ANKRD36: variants seen among roughly 807,000 people sequenced by gnomAD.
ANKRD36 encodes ankyrin repeat domain-containing protein 36A.
In ANKRD36, 179 loss-of-function variants were observed where a neutral mutation model predicts 278.1. The observed-to-expected ratio is 0.64, with a 90% CI of 0.57 to 0.73. The LOEUF is 0.73. Among genes scored for constraint, ANKRD36 ranks in the 30% least tolerant of loss-of-function variants. The pLI, the probability that ANKRD36 is intolerant of heterozygous loss-of-function variation, is 0.00. For synonymous variants in ANKRD36, 320 were observed against 641.1 expected, an observed-to-expected ratio of 0.50 and a Z score of 7.57; for missense variants, 1,159 against 1,956.7, an observed-to-expected ratio of 0.59 and a Z score of 7.69.
chr2:97,154,339 G>A (rs2046906579), intron 14 of ANKRD36, among the ~76,000 whole-genome samples: 2 of 149,154 alleles, frequency 1.3e-5, no homozygotes, highest in South Asian at 4.2e-4. Context: ...TTTCAGTTTA[G>A]TCTTTAGGGT....
intron 52 of ANKRD36, among the ~76,000 whole-genome samples, chr2:97,206,437 C>T (rs550374174): frequency 1.3e-5 from 2 of 151,288 alleles, no homozygotes; most frequent in African/African-American, 4.8e-5. Flanking sequence ...CTTGTTTTCA[C>T]TAAGGGTGGA....
chr2:97,188,460 A>C (rs1388976057), intron 32 of ANKRD36, among the ~76,000 whole-genome samples: 1 of 151,762 alleles, frequency 6.6e-6, no homozygotes, highest in Non-Finnish European at 1.5e-5. Context: ...TCGGAAGGCT[A>C]AACTAGTGGA....
intron 1 of ANKRD36, among the ~76,000 whole-genome samples, chr2:97,116,724 G>C (rs2153401391): frequency 6.6e-6 from 1 of 152,162 alleles, no homozygotes; most frequent in Admixed American, 6.6e-5. Context: ...TACATATAAG[G>C]AAACAATTTT....
chr2:97,209,881 G>GC lies in ANKRD36; in HGVS notation c.3367+9_3367+10insC, dbSNP rs1390482558. The GC allele has an allele frequency of 1.3e-6, 2 of 1,570,008 alleles. No homozygotes were observed. Among genetic ancestry groups the GC allele is most frequent in the Non-Finnish European group, 1.7e-6 (2 of 1,161,260 alleles). ...AGAAAAATCTAGGACAGGTAATTTT[G>GC]AAAACAGATTTAATGTCATGTTCAG... On this transcript the variant is annotated intron_variant, in intron 56 of 75. Coordinates refer to ENST00000420699, the MANE Select transcript of ANKRD36 (RefSeq NM_001354587.1).
At chr2:97,210,745 T>A (rs553364402) in intron 56 of ANKRD36, among the ~76,000 whole-genome samples, 1 of 151,984 alleles carries the variant, frequency 6.6e-6, no homozygotes, top group East Asian at 2.0e-4. Flanking sequence ...CCTAAAATAG[T>A]CATTTTCAAT....
intron 8 of ANKRD36, among the ~76,000 whole-genome samples, 177 bp from the exon 9 acceptor site, chr2:97,144,341 T>C (rs1249559238): frequency 2.6e-5 from 4 of 152,246 alleles, no homozygotes; most frequent in Admixed American, 2.6e-4. Context: ...AAGACTATAC[T>C]TCTGTTTTCT....
At chr2:97,205,562 T>G (rs1267895139) in intron 50 of ANKRD36, among the ~76,000 whole-genome samples, 1 of 151,496 alleles carries the variant, frequency 6.6e-6, no homozygotes, top group Non-Finnish European at 1.5e-5. Context: ...TGATTTGTTG[T>G]GTGAAAGACA....
chr2:97,220,749 A>ATTTTTTTTTTTTTTTTTTTTTTTTTTT (rs1558889083), intron 66 of ANKRD36, among the ~76,000 whole-genome samples: 1 of 86,902 alleles, frequency 1.2e-5, no homozygotes, highest in African/African-American at 5.9e-5. Flanking sequence ...TTTTTTTTTA[A>ATTTTTTTTTTTTTTTTTTTTTTTTTTT]TTTTTAATTT....
At chr2:97,195,461 A>G (rs2059501948) in intron 40 of ANKRD36, among the ~76,000 whole-genome samples, 1 of 151,968 alleles carries the variant, frequency 6.6e-6, no homozygotes, top group African/African-American at 2.4e-5. Flanking sequence ...CTCACTTCAG[A>G]TGCATTTGGA....
rs1157029500 is a variant in ANKRD36, at chr2:97,215,593, G to A, written c.3673+96G>A. Reference sequence around the variant, plus strand: ...AGCGGGGGGTTCATTGAAGTTTTATGTTTGGATTCAGCATGCCTGAGATTC... The same window carrying A: ...AGCGGGGGGTTCATTGAAGTTTTATATTTGGATTCAGCATGCCTGAGATTC... On this transcript the variant is annotated intron_variant, in intron 62 of 75. Coordinates refer to ENST00000420699, the MANE Select transcript of ANKRD36 (RefSeq NM_001354587.1). The A allele has an allele frequency of 2.5e-6, 4 of 1,569,582 alleles. No homozygotes were observed. In the African/African-American group the frequency reaches 5.4e-5, roughly 21 times the overall value.
At chr2:97,221,663 A>G (rs1245668281) in intron 66 of ANKRD36, among the ~76,000 whole-genome samples, 1 of 150,522 alleles carries the variant, frequency 6.6e-6, no homozygotes, top group Non-Finnish European at 1.5e-5. Flanking sequence ...GGTTCATTGT[A>G]GATTCTGGAT....
At chr2:97,135,220 A>C (rs1446717824) in intron 6 of ANKRD36, among the ~76,000 whole-genome samples, 1 of 151,938 alleles carries the variant, frequency 6.6e-6, no homozygotes, top group Non-Finnish European at 1.5e-5. Context: ...GTTGTGTTTC[A>C]ACAAAATAAG....
rs1354393323 is a variant in ANKRD36 at position 97,176,308 on chromosome 2, C to T, written c.1634-3430C>T. On this transcript the variant is annotated intron_variant, in intron 22 of 75. Transcript: ENST00000420699. ...ACTTGCTTTATGAATCTGGGTGCTCCTGTATTGGGTGCATATATATTTAGG... is the reference window on the plus strand; with the variant it reads ...ACTTGCTTTATGAATCTGGGTGCTCTTGTATTGGGTGCATATATATTTAGG... Among the ~76,000 whole-genome samples, 677 of 148,706 alleles carry T rather than the reference C, an allele frequency of 4.6e-3. 5 individuals carry two copies. Among genetic ancestry groups the T allele is most frequent in the African/African-American group, 0.016 (642 of 41,070 alleles).
Position 97,181,448 on chromosome 2 carries a change from A to G in ANKRD36, c.1736-150A>G, listed in dbSNP as rs201699879. 48 of 903,570 alleles carry G rather than the reference A, an allele frequency of 5.3e-5. No homozygotes were observed. In the East Asian group the frequency reaches 1.1e-3, roughly 21 times the overall value. 56.0% of individuals were successfully genotyped at this position (903,570 alleles called of 1,614,324 possible). A position where few individuals can be genotyped will look rare whatever the true frequency, so the allele number is the denominator to read the frequency against. On this transcript the variant is annotated intron_variant, in intron 24 of 75. Transcript: ENST00000420699. ...CCTTTTTTTTCAGTGTATTTCTGTC[A>G]TGTTCCAGTCTCCAGACAAAAAGTA...
chr2:97,206,034 T>G, intron 51 of ANKRD36, 29 bp from the exon 52 acceptor site: 2 of 1,543,448 alleles, frequency 1.3e-6, no homozygotes, highest in Non-Finnish European at 1.7e-6. Flanking sequence ...ACTTTATTTA[T>G]TTATTATTTT....
Position 97,198,494 on chromosome 2 carries a change from A to G in ANKRD36, c.2682+3A>G, listed in dbSNP as rs1284389449. 1 of 1,578,180 alleles carries G rather than the reference A, an allele frequency of 6.3e-7. No homozygotes were observed. Among genetic ancestry groups the G allele is most frequent in the Non-Finnish European group, 8.6e-7 (1 of 1,164,358 alleles). On this transcript the variant is annotated splice_donor_region_variant and intron_variant, in intron 43 of 75. Coordinates refer to ENST00000420699, the MANE Select transcript of ANKRD36 (RefSeq NM_001354587.1). ...CTGAGAAACCACCAGGCTTGAAGGT[A>G]ATGAAACTGTCATTTATATTGTGAC...
At chr2:97,205,033 A>G (rs1040657133) in intron 50 of ANKRD36, among the ~76,000 whole-genome samples, 3 of 151,532 alleles carry the variant, frequency 2.0e-5, no homozygotes, top group Non-Finnish European at 4.4e-5. Flanking sequence ...CCTCTTGGAT[A>G]AAATAGCTGT....
In ANKRD36 at chr2:97,179,925, C is replaced by A. The variant is rs754950741; in HGVS notation, c.1727C>A (p.Ser576Tyr). Residue 576 changes from serine to tyrosine, a missense_variant, in exon 24 of 76, where the codon TCT becomes TAT. Physicochemically the swap from Ser to Tyr is moderately radical, Grantham distance 144. Transcript: ENST00000420699. ...ACAGAAATAAAGGAGGGACCAATATCTGGGACAGGTAATTTTGCAAAACAC... is the reference window on the plus strand; with the variant it reads ...ACAGAAATAAAGGAGGGACCAATATATGGGACAGGTAATTTTGCAAAACAC... ...IATEIKEGPI[S>Y]GTVSSQKQPA... is the part of the protein sequence containing the mutation. The A allele has an allele frequency of 4.2e-5, 67 of 1,605,400 alleles. 4 individuals are homozygous for A. The South Asian group carries it at 6.9e-4, about 17-fold the overall frequency.
In ANKRD36 at chr2:97,113,230, G is replaced by A. The variant is rs2034061998; in HGVS notation, c.-510G>A. On this transcript the variant is annotated 5_prime_UTR_variant, in exon 1 of 76. Coordinates refer to ENST00000420699, the MANE Select transcript of ANKRD36 (RefSeq NM_001354587.1). ...TGGCAACCCCGGATCCCGTCCTCCC[G>A]CCTCGCACCCATCAGCGCGGACCCC... 6.6e-6 allele frequency among the ~76,000 whole-genome samples: 1 copy of A among 151,810 alleles called. No homozygotes were observed. The highest frequency in any genetic ancestry group is 1.5e-5 in the Non-Finnish European group (1 of 67,928).
Sources: allele counts gnomAD v4.1 joint callset (sites outside exome capture counted in the v4.1 genomes callset), GRCh38; gene constraint gnomAD v4.1.1; transcripts MANE v1.5; gene names NCBI Gene and HGNC (gene_info 2026-07-23, HGNC 2026-07-21).